GREB1L: variants seen among roughly 807,000 people sequenced by gnomAD.
GREB1L encodes the protein GREB1-like protein.
A neutral mutation model predicts 200.8 loss-of-function variants in GREB1L; 17 were observed. The observed-to-expected ratio is 0.08, with a 90% CI of 0.06 to 0.13. The LOEUF (loss-of-function observed/expected upper bound fraction) is 0.13. Ranked by LOEUF, GREB1L falls within the 10% of genes least tolerant of loss-of-function variation. GREB1L has a pLI of 1.00. For missense variants in GREB1L, 1,657 were observed against 2,367.7 expected (o/e 0.70, Z 6.23); for synonymous variants, 789 against 893.0 (o/e 0.88, Z 2.08).
At chr18:21,266,157 C>T (rs2037964314) in intron 1 of GREB1L, among the ~76,000 whole-genome samples, 1 of 152,128 alleles carries the variant, frequency 6.6e-6, no homozygotes, top group Non-Finnish European at 1.5e-5. Flanking sequence ...TTCACTAAGC[C>T]CTCTTCAGCT....
intron 1 of GREB1L, among the ~76,000 whole-genome samples, chr18:21,257,141 T>C (rs570440582): frequency 6.6e-6 from 1 of 152,164 alleles, no homozygotes; most frequent in South Asian, 2.1e-4. Context: ...TAATTTTTTG[T>C]ATTTTTAGTA....
intron 7 of GREB1L, among the ~76,000 whole-genome samples, chr18:21,420,138 C>T (rs560067888): frequency 6.6e-6 from 1 of 152,094 alleles, no homozygotes; most frequent in East Asian, 1.9e-4. Context: ...GTTGGGAGGC[C>T]GAGGCGGGCA....
At chr18:21,323,888 T>C (rs2044500895) in intron 1 of GREB1L, among the ~76,000 whole-genome samples, 1 of 152,198 alleles carries the variant, frequency 6.6e-6, no homozygotes, top group Admixed American at 6.5e-5. Context: ...GTAACTTCTA[T>C]CAAACTTTTA....
intron 1 of GREB1L, among the ~76,000 whole-genome samples, chr18:21,351,149 T>C (rs2039427255): frequency 6.6e-6 from 1 of 152,198 alleles, no homozygotes; most frequent in Admixed American, 6.5e-5. Context: ...TTTTTTTCCT[T>C]CTTGTCTCTT....
intron 15 of GREB1L, among the ~76,000 whole-genome samples, chr18:21,465,144 A>T (rs1005040412): frequency 6.6e-6 from 1 of 152,292 alleles, no homozygotes; most frequent in Non-Finnish European, 1.5e-5. Context: ...GCAATTTTCA[A>T]GTGTAAAATA....
chr18:21,410,933 G>A (rs1160530403), intron 7 of GREB1L, among the ~76,000 whole-genome samples: 2 of 151,960 alleles, frequency 1.3e-5, no homozygotes, highest in East Asian at 3.9e-4. Context: ...TCCAGCCTGG[G>A]CAACAGAGCT....
intron 31 of GREB1L, among the ~76,000 whole-genome samples, chr18:21,519,836 C>A (rs565889081): frequency 3.4e-4 from 52 of 152,164 alleles, no homozygotes; most frequent in Non-Finnish European, 7.1e-4. Context: ...TAACTCCCAA[C>A]TATCTTACTT....
intron 21 of GREB1L, 84 bp downstream of exon 21, chr18:21,496,782 G>T: frequency 6.8e-7 from 1 of 1,461,160 alleles, no homozygotes; most frequent in Non-Finnish European, 9.2e-7. Flanking sequence ...GGCATTTACT[G>T]ACACCCCAAC....
At chr18:21,330,708 T>A (rs888760180) in intron 1 of GREB1L, among the ~76,000 whole-genome samples, 1 of 152,072 alleles carries the variant, frequency 6.6e-6, no homozygotes, top group South Asian at 2.1e-4. Flanking sequence ...AGTCTCTCTT[T>A]GAAAAAACTT....
chr18:21,470,502 T>C (rs1423713120), intron 15 of GREB1L, among the ~76,000 whole-genome samples: 1 of 152,140 alleles, frequency 6.6e-6, no homozygotes, highest in African/African-American at 2.4e-5. Context: ...ACTGTAAATG[T>C]TTTTTTAAAG....
At chr18:21,458,176 G>A (rs181238013) in intron 15 of GREB1L, among the ~76,000 whole-genome samples, 151 of 152,038 alleles carry the variant, frequency 9.9e-4, no homozygotes, top group Non-Finnish European at 2.0e-3. Flanking sequence ...TCTCCATGTC[G>A]GTCAGGCTGG....
intron 4 of GREB1L, among the ~76,000 whole-genome samples, chr18:21,393,952 T>C (rs1340893263): frequency 2.0e-5 from 3 of 152,108 alleles, no homozygotes; most frequent in African/African-American, 7.2e-5. Flanking sequence ...AATGAAGAAA[T>C]TACTGAAAGA....
intron 7 of GREB1L, among the ~76,000 whole-genome samples, chr18:21,417,258 ACG>A (rs1456877719): frequency 1.3e-5 from 2 of 152,014 alleles, no homozygotes; most frequent in African/African-American, 4.8e-5. Context: ...GCGGTGGCTC[ACG>A]CCTGTAATCC....
intron 17 of GREB1L, among the ~76,000 whole-genome samples, chr18:21,482,510 C>T (rs777912836): frequency 2.7e-4 from 41 of 152,308 alleles, no homozygotes; most frequent in Non-Finnish European, 4.7e-4. Context: ...CTGCCCTCCT[C>T]GGCCTTCCAA....
intron 1 of GREB1L, among the ~76,000 whole-genome samples, chr18:21,349,743 AT>A (rs2039405877): frequency 6.6e-6 from 1 of 152,022 alleles, no homozygotes; most frequent in African/African-American, 2.4e-5. Context: ...AGATGGGATC[AT>A]CTAGTTGCAG....
chr18:21,350,659 G>A (rs1186449858), intron 1 of GREB1L, among the ~76,000 whole-genome samples: 2 of 152,156 alleles, frequency 1.3e-5, no homozygotes, highest in East Asian at 1.9e-4. Flanking sequence ...TAGCTTGGGA[G>A]CAGCAACTCA....
chr18:21,505,625 G>A (rs779627432), intron 24 of GREB1L, 58 bp downstream of exon 24: 3 of 1,524,234 alleles, frequency 2.0e-6, no homozygotes, highest in South Asian at 2.4e-5. Flanking sequence ...CTAGCTCAGG[G>A]TGCCTTACAT....
intron 5 of GREB1L, among the ~76,000 whole-genome samples, chr18:21,400,899 A>G (rs2041289518): frequency 6.6e-6 from 1 of 152,178 alleles, no homozygotes; most frequent in Non-Finnish European, 1.5e-5. Context: ...TATCTACTCT[A>G]TTTCCTTAAT....
At position 21,525,799 on chromosome 18, in the gene GREB1L, GAAT is replaced by G. The variant is rs1448234974; in HGVS notation, c.*2981_*2983del. Among the ~76,000 whole-genome samples the G allele has an allele frequency of 2.6e-5, 4 of 152,082 alleles. No homozygotes were observed. In the East Asian group the frequency reaches 5.8e-4, roughly 22 times the overall value. ...CTTAAAAAATTTTACCAACTTTTGA[GAAT>G]AACAACTTTGTTGTCCCAGAAAAAT... On this transcript the variant is annotated 3_prime_UTR_variant, in exon 33 of 33. Transcript: ENST00000424526.
Sources: allele counts gnomAD v4.1 joint callset (sites outside exome capture counted in the v4.1 genomes callset), GRCh38; gene constraint gnomAD v4.1.1; transcripts MANE v1.5; gene names NCBI Gene and HGNC (gene_info 2026-07-23, HGNC 2026-07-21).